KLHL2: variants seen among roughly 807,000 people sequenced by gnomAD.
KLHL2 encodes the protein kelch-like protein 2.
In KLHL2, 15 loss-of-function variants were observed where a neutral mutation model predicts 75.8. That is an observed-to-expected ratio of 0.20 (90% confidence interval 0.13 to 0.30). The LOEUF is 0.30. KLHL2 is among the 10% of genes least tolerant of loss of function. The probability of loss-of-function intolerance (pLI) is 1.00; values close to 1 mark genes in which losing one functional copy is unlikely to be tolerated. For synonymous variants in KLHL2, 214 were observed against 251.9 expected (o/e 0.85, Z 1.42); for missense variants, 381 against 741.0 (o/e 0.51, Z 5.64).
At chr4:165,278,342 A>G (rs1157885831) in intron 5 of KLHL2, 4 of 1,150,240 alleles carry the variant, frequency 3.5e-6, no homozygotes, top group Non-Finnish European at 4.0e-6. Flanking sequence ...TTGTAGCTGC[A>G]TAAGAATTTT....
intron 4 of KLHL2, among the ~76,000 whole-genome samples, chr4:165,250,117 C>T (rs1263472718): frequency 7.0e-6 from 1 of 142,604 alleles, no homozygotes; most frequent in African/African-American, 2.7e-5. Flanking sequence ...GAGTGAGACT[C>T]CGTCTCAAAA....
At chr4:165,256,319 C>CT (rs1018080353) in intron 4 of KLHL2, among the ~76,000 whole-genome samples, 28 of 152,080 alleles carry the variant, frequency 1.8e-4, no homozygotes, top group African/African-American at 5.8e-4. Context: ...AATAAAAAAG[C>CT]TTTTTTTTCC....
chr4:165,309,444 T>G (rs1477153566), intron 9 of KLHL2, among the ~76,000 whole-genome samples: 1 of 152,176 alleles, frequency 6.6e-6, no homozygotes, highest in African/African-American at 2.4e-5. Flanking sequence ...CAGTCTAGTT[T>G]CTCCATTCAC....
At chr4:165,297,286 G>A (rs1017294776) in intron 6 of KLHL2, among the ~76,000 whole-genome samples, 24 of 151,802 alleles carry the variant, frequency 1.6e-4, no homozygotes, top group South Asian at 4.2e-4. Context: ...ACAAACCTTC[G>A]ATTTATGTGT....
At chr4:165,219,012 C>T (rs199671925) in intron 1 of KLHL2, among the ~76,000 whole-genome samples, 3,921 of 100,194 alleles carry the variant, frequency 0.039, no homozygotes, top group East Asian at 0.067. Flanking sequence ...AGTTTTATAA[C>T]CATTGCTTCA....
intron 3 of KLHL2, among the ~76,000 whole-genome samples, chr4:165,232,878 C>CTTTTTT (rs912954260): frequency 3.8e-5 from 2 of 52,570 alleles, no homozygotes; most frequent in African/African-American, 8.2e-5. Flanking sequence ...CCCTGTTAAG[C>CTTTTTT]TTTTTTTTTT....
chr4:165,230,193 G>C (rs942715475), intron 3 of KLHL2, among the ~76,000 whole-genome samples: 1 of 152,184 alleles, frequency 6.6e-6, no homozygotes, highest in Non-Finnish European at 1.5e-5. Flanking sequence ...TCTAAGGCTT[G>C]TAAGAGAAGG....
chr4:165,304,773 TA>T (rs2126538360), intron 8 of KLHL2, among the ~76,000 whole-genome samples: 1 of 152,352 alleles, frequency 6.6e-6, no homozygotes, highest in East Asian at 1.9e-4. Context: ...CGATCATATG[TA>T]ATTGTGTACT....
In KLHL2 at chr4:165,299,628, G is replaced by A. The variant is rs770856919; in HGVS notation, c.893G>A (p.Arg298Gln). The A allele has an allele frequency of 2.2e-5, 36 of 1,611,844 alleles. No homozygotes were observed. Among genetic ancestry groups the A allele is most frequent in the Non-Finnish European group, 2.6e-5 (31 of 1,179,312 alleles). Residue 298 changes from arginine to glutamine, a missense_variant, in exon 8 of 15, where the codon CGG becomes CAG. By Grantham distance (43) the Arg-to-Gln change is conservative. Transcript: ENST00000226725. Reference protein sequence around the residue: ...QRILMKSVRTRLRTPMNLPKL... With the variant: ...QRILMKSVRTQLRTPMNLPKL... ...ATATTAATGAAGAGTGTCCGGACCCGGCTGAGGACACCCATGAACCTTCCC... is the reference window on the plus strand; with the variant it reads ...ATATTAATGAAGAGTGTCCGGACCCAGCTGAGGACACCCATGAACCTTCCC...
intron 4 of KLHL2, among the ~76,000 whole-genome samples, chr4:165,260,362 A>G (rs1289738698): frequency 6.6e-6 from 1 of 152,226 alleles, no homozygotes; most frequent in East Asian, 1.9e-4. Context: ...AAAAAATTAT[A>G]TGTGAATATA....
intron 5 of KLHL2, among the ~76,000 whole-genome samples, chr4:165,285,227 G>C (rs1173300041): frequency 1.3e-5 from 2 of 152,154 alleles, no homozygotes; most frequent in Non-Finnish European, 2.9e-5. Flanking sequence ...TGACCTTTCA[G>C]ATCTCTTATA....
In KLHL2 at chr4:165,297,863, C is replaced by T. The variant is rs938252286; in HGVS notation, c.771+138C>T. ...ACAGGACAGAAGACAGTAAAGGACC[C>T]CGCAGGCTGGAGTGCAGTGGCGTCA... is the stretch of plus-strand genomic sequence containing the variant. On this transcript the variant is annotated intron_variant, in intron 7 of 14. Coordinates refer to ENST00000226725, the MANE Select transcript of KLHL2 (RefSeq NM_007246.4). 9 of 654,146 alleles carry T rather than the reference C, an allele frequency of 1.4e-5. No homozygotes were observed. The African/African-American group carries it at 1.6e-4, about 12-fold the overall frequency. The allele number at this position is 654,146 out of a possible 1,614,324, so 40.5% of individuals were successfully genotyped here.
At chr4:165,309,343 C>G (rs953819487) in intron 9 of KLHL2, among the ~76,000 whole-genome samples, 8 of 152,072 alleles carry the variant, frequency 5.3e-5, no homozygotes, top group Admixed American at 5.2e-4. Flanking sequence ...TTAAAGAGAA[C>G]AGAGTAGATG....
chr4:165,250,999 A>G (rs540307963), intron 4 of KLHL2, among the ~76,000 whole-genome samples: 1 of 152,278 alleles, frequency 6.6e-6, no homozygotes, highest in Admixed American at 6.5e-5. Context: ...AAAGTTATGT[A>G]TCTCCCAGCA....
At chr4:165,285,756 C>T (rs1261025927) in intron 5 of KLHL2, among the ~76,000 whole-genome samples, 16 of 141,252 alleles carry the variant, frequency 1.1e-4, no homozygotes, top group African/African-American at 1.7e-4. Flanking sequence ...AAAATGGTTA[C>T]GGTGGTAAAT....
chr4:165,290,941 T>A (rs1744461556), intron 5 of KLHL2, among the ~76,000 whole-genome samples: 1 of 152,254 alleles, frequency 6.6e-6, no homozygotes, highest in Non-Finnish European at 1.5e-5. Context: ...ACTGATTTCC[T>A]ACCAGCAGTG....
intron 4 of KLHL2, among the ~76,000 whole-genome samples, chr4:165,253,956 C>A (rs1740952933): frequency 6.6e-6 from 1 of 152,132 alleles, no homozygotes; most frequent in South Asian, 2.1e-4. Context: ...GGGATGGGAT[C>A]CAGATCCAGA....
At chr4:165,210,537 G>A (rs938946423) in intron 1 of KLHL2, among the ~76,000 whole-genome samples, 3 of 152,122 alleles carry the variant, frequency 2.0e-5, no homozygotes, top group Non-Finnish European at 4.4e-5. Context: ...GAGTATATGT[G>A]GCATTTAGAT....
intron 2 of KLHL2, among the ~76,000 whole-genome samples, chr4:165,221,564 T>G (rs1014854954): frequency 1.3e-5 from 2 of 152,164 alleles, no homozygotes; most frequent in Non-Finnish European, 2.9e-5. Context: ...GCCATTGGAC[T>G]GAGGTCCTGA....
Sources: gnomAD v4.1 joint callset for allele counts (sites outside exome capture counted in the v4.1 genomes callset) on GRCh38, gnomAD v4.1.1 for gene constraint, MANE v1.5 for transcripts, NCBI Gene and HGNC (gene_info 2026-07-23, HGNC 2026-07-21) for gene names.